Variants in EBF3 observed in about 807,000 individuals in gnomAD.
EBF3 encodes transcription factor COE3.
A neutral mutation model predicts 77.1 loss-of-function variants in EBF3; 18 were observed. The observed-to-expected ratio is 0.23, with a 90% CI of 0.16 to 0.35. The LOEUF is 0.35. EBF3 is among the 10% of genes least tolerant of loss of function. The probability of loss-of-function intolerance (pLI) is 1.00; values close to 1 mark genes in which losing one functional copy is unlikely to be tolerated. For synonymous variants in EBF3, 350 were observed against 343.5 expected (o/e 1.02, Z -0.21); for missense variants, 558 against 860.0 (o/e 0.65, Z 4.39).
chr10:129,924,441 A>C (rs1347795801), intron 6 of EBF3, among the ~76,000 whole-genome samples: 1 of 133,222 alleles, frequency 7.5e-6, no homozygotes, highest in Non-Finnish European at 1.6e-5. Context: ...AAAAAAAAAA[A>C]AAAACAAAAA....
chr10:129,876,885 A>AACCCC (rs1852809898), intron 7 of EBF3, among the ~76,000 whole-genome samples: 1 of 42,368 alleles, frequency 2.4e-5, no homozygotes, highest in Non-Finnish European at 4.4e-5. Flanking sequence ...TCATCCCTGA[A>AACCCC]CCCCCCCCCC....
In EBF3 at chr10:129,938,337, C is replaced by T. The variant is rs554846873; in HGVS notation, c.554+18921G>A. Among the ~76,000 whole-genome samples, 1 of 148,418 alleles carries T rather than the reference C, an allele frequency of 6.7e-6. No individual in the cohort carries two copies. Among genetic ancestry groups the T allele is most frequent in the African/African-American group, 2.5e-5 (1 of 39,932 alleles). On this transcript the variant is annotated intron_variant, in intron 6 of 16. Transcript: ENST00000440978. This position sits in a 1 kb window ranked among gnomAD's most constrained non-coding sequence, Gnocchi z 5.1. Reference sequence around the variant, plus strand: ...GGCAGATCACTTGAGCTCAGGAGTTCAACACCAGCCTGGGCAACATGGCAA... The same window carrying T: ...GGCAGATCACTTGAGCTCAGGAGTTTAACACCAGCCTGGGCAACATGGCAA...
Position 129,861,281 on chromosome 10 carries a change from C to T in EBF3, c.1039+5860G>A, listed in dbSNP as rs1220094402. ...CCAGTGATGGCAGTGGGCCTCACTCCCAGGGGAAGGGGCTGAGGCACAGAT... is the reference window on the plus strand; with the variant it reads ...CCAGTGATGGCAGTGGGCCTCACTCTCAGGGGAAGGGGCTGAGGCACAGAT... On this transcript the variant is annotated intron_variant, in intron 10 of 16. Coordinates refer to ENST00000440978, the MANE Select transcript of EBF3 (RefSeq NM_001375380.1). The surrounding 1 kb of genome is among the most constrained non-coding windows in gnomAD (Gnocchi z 4.3). 6.6e-6 allele frequency among the ~76,000 whole-genome samples: 1 copy of T among 152,140 alleles called. No homozygotes were observed. The highest frequency in any genetic ancestry group is 1.5e-5 in the Non-Finnish European group (1 of 68,028).
Position 129,837,912 on chromosome 10 carries a change from A to G in EBF3, c.*31T>C, listed in dbSNP as rs373883857. ...GTCCTTTGATGCTGGGTGCTGCGGA[A>G]GGTAAACAGAAGTCCCTCACATTGG... On this transcript the variant is annotated 3_prime_UTR_variant, in exon 17 of 17. Coordinates refer to ENST00000440978, the MANE Select transcript of EBF3 (RefSeq NM_001375380.1). 1.2e-6 allele frequency: 2 copies of G among 1,614,192 alleles called. No homozygotes were observed. Among genetic ancestry groups the G allele is most frequent in the East Asian group, 2.2e-5 (1 of 44,882 alleles).
rs758617055 is a variant in EBF3 at position 129,877,819 on chromosome 10, A to G, written c.585T>C (p.Asn195=). The G allele has an allele frequency of 6.2e-7, 1 of 1,613,728 alleles. No individual in the cohort carries two copies. Among genetic ancestry groups the G allele is most frequent in the Admixed American group, 1.7e-5 (1 of 60,010 alleles). The part of the protein sequence containing the change: ...RFFLKFFLKC[N]QNCLKNAGNP... Reference sequence around the variant, plus strand: ...TGCCTGCATTCTTCAAACAGTTCTGATTGCACTTGAGGAAAAACTTTAGAA... The same window carrying G: ...TGCCTGCATTCTTCAAACAGTTCTGGTTGCACTTGAGGAAAAACTTTAGAA... The change falls in exon 7 of 17, where the codon AAT becomes AAC. Residue 195 remains asparagine (N), a synonymous_variant. Coordinates refer to ENST00000440978, the MANE Select transcript of EBF3 (RefSeq NM_001375380.1).
At chr10:129,880,306 C>CACATACACACACATGCCCACACAT (rs1235376268) in intron 6 of EBF3, among the ~76,000 whole-genome samples, 3 of 152,094 alleles carry the variant, frequency 2.0e-5, no homozygotes, top group Non-Finnish European at 2.9e-5. Flanking sequence ...ATGCCACCCA[C>CACATACACACACATGCCCACACAT]ACATACACAC....
At chr10:129,953,636 C>A (rs1308404975) in intron 6 of EBF3, among the ~76,000 whole-genome samples, 2 of 152,244 alleles carry the variant, frequency 1.3e-5, no homozygotes, top group African/African-American at 4.8e-5. Flanking sequence ...CCGCTCCCAG[C>A]GCTGCATGGA....
chr10:129,944,802 A>G lies in EBF3; in HGVS notation c.554+12456T>C. ...GGTGAAATATCATAAGAATTTCATT[A>G]TCTTTGCAGCTGTTGCCTAGGATCA... On this transcript the variant is annotated intron_variant, in intron 6 of 16. Coordinates refer to ENST00000440978, the MANE Select transcript of EBF3 (RefSeq NM_001375380.1). The surrounding 1 kb of genome is among the most constrained non-coding windows in gnomAD (Gnocchi z 5.1). Among the ~76,000 whole-genome samples, 1 of 151,978 alleles carries G rather than the reference A, an allele frequency of 6.6e-6. No homozygotes were observed. The highest frequency in any genetic ancestry group is 1.5e-5 in the Non-Finnish European group (1 of 68,008).
At chr10:129,893,701 C>T (rs902533633) in intron 6 of EBF3, among the ~76,000 whole-genome samples, 2 of 152,214 alleles carry the variant, frequency 1.3e-5, no homozygotes, top group African/African-American at 2.4e-5. Context: ...CAAATCACAG[C>T]GCACGCATGA....
chr10:129,877,853 TA>T lies in EBF3; in HGVS notation c.555-5del. 6.2e-7 allele frequency: 1 copy of T among 1,605,506 alleles called. No individual in the cohort carries two copies. The highest frequency in any genetic ancestry group is 8.5e-7 in the Non-Finnish European group (1 of 1,174,876). ...GAGGAAAAACTTTAGAAAGAATCTATAAAAAATACAAAAAGATGATATTTAT... is the reference window on the plus strand; with the variant it reads ...GAGGAAAAACTTTAGAAAGAATCTATAAAAATACAAAAAGATGATATTTAT... On this transcript the variant is annotated splice_region_variant and splice_polypyrimidine_tract_variant and intron_variant, in intron 6 of 16. Transcript: ENST00000440978.
At chr10:129,899,603 A>C (rs1564870545) in intron 6 of EBF3, among the ~76,000 whole-genome samples, 1 of 152,324 alleles carries the variant, frequency 6.6e-6, no homozygotes, top group East Asian at 1.9e-4. Context: ...AAATGGCCAG[A>C]TCCAGCCGGA....
intron 6 of EBF3, among the ~76,000 whole-genome samples, chr10:129,926,274 C>T (rs952223914): frequency 5.3e-5 from 8 of 152,180 alleles, no homozygotes; most frequent in South Asian, 4.1e-4. Context: ...GGCGCCAGCC[C>T]GCAAGAGCAT....
intron 6 of EBF3, among the ~76,000 whole-genome samples, chr10:129,949,908 C>G (rs896642295): frequency 2.0e-5 from 3 of 151,764 alleles, no homozygotes; most frequent in African/African-American, 7.3e-5. Flanking sequence ...TAAACACTGC[C>G]AAAGTTTTGT....
intron 4 of EBF3, among the ~76,000 whole-genome samples, chr10:129,961,746 A>G (rs1157645180): frequency 6.6e-6 from 1 of 152,170 alleles, no homozygotes; most frequent in Non-Finnish European, 1.5e-5. Context: ...ATCACACTGG[A>G]AAGGAGAAAA....
At position 129,877,836 on chromosome 10, in the gene EBF3, A is replaced by C; in HGVS notation, c.568T>G (p.Phe190Val). The C allele has an allele frequency of 6.2e-7, 1 of 1,612,656 alleles. No homozygotes were observed. The highest frequency in any genetic ancestry group is 8.5e-7 in the Non-Finnish European group (1 of 1,179,320). The change falls in exon 7 of 17, where the codon TTT (phenylalanine) becomes GTT (valine). Residue 190 changes from phenylalanine (F) to valine (V), a missense_variant. By Grantham distance (50) the Phe-to-Val change is conservative (BLOSUM62 -1). This residue lies in a region of EBF3 where 14 missense variants were observed against 87.3 expected (regional missense o/e 0.16). Coordinates refer to ENST00000440978, the MANE Select transcript of EBF3 (RefSeq NM_001375380.1). Reference protein sequence around the residue: ...PVIIDRFFLKFFLKCNQNCLK... With the variant: ...PVIIDRFFLKVFLKCNQNCLK... ...CAGTTCTGATTGCACTTGAGGAAAA[A>C]CTTTAGAAAGAATCTATAAAAAATA...
intron 7 of EBF3, 51 bp from the exon 8 acceptor site, chr10:129,873,647 C>G (rs553128975): frequency 6.9e-7 from 1 of 1,443,530 alleles, no homozygotes; most frequent in East Asian, 2.5e-5. Context: ...AAAAGCAGAG[C>G]CCCCTGTTAG....
rs561903085 is a variant in EBF3 at position 129,869,780 on chromosome 10, G to A, written c.782-1868C>T. 2.2e-4 allele frequency among the ~76,000 whole-genome samples: 34 copies of A among 152,320 alleles called. 1 individual carries two copies. In the South Asian group the frequency reaches 5.2e-3, roughly 23 times the overall value. On this transcript the variant is annotated intron_variant, in intron 8 of 16. Coordinates refer to ENST00000440978, the MANE Select transcript of EBF3 (RefSeq NM_001375380.1). The stretch of plus-strand genomic sequence containing the variant: ...GCGCATCTCCCTCCGCAGCAGAGGC[G>A]CAGAGCACACACTGGGAACCTGCCC...
intron 10 of EBF3, 48 bp downstream of exon 10, chr10:129,867,093 G>A (rs760366464): frequency 6.3e-7 from 1 of 1,591,664 alleles, no homozygotes; most frequent in Non-Finnish European, 8.6e-7. Context: ...TCCTGGTGGG[G>A]AGGAGGCCTC....
rs187090871 is a variant in EBF3 at position 129,923,114 on chromosome 10, A to C, written c.554+34144T>G. ...ATAAGAACATCCTGTTGATAACGGC[A>C]GCAACAATCATGTGTTACTGTTGTT... On this transcript the variant is annotated intron_variant, in intron 6 of 16. Coordinates refer to ENST00000440978, the MANE Select transcript of EBF3 (RefSeq NM_001375380.1). Among the ~76,000 whole-genome samples, 9 of 152,344 alleles carry C rather than the reference A, an allele frequency of 5.9e-5. No homozygotes were observed. The East Asian group carries it at 1.7e-3, about 29-fold the overall frequency.
Sources: gnomAD v4.1 joint callset for allele counts (sites outside exome capture counted in the v4.1 genomes callset) on GRCh38, gnomAD v4.1.1 for gene constraint, gnomAD v4.1.1 regional missense constraint, Gnocchi (gnomAD v3.1) non-coding constraint, MANE v1.5 for transcripts, NCBI Gene and HGNC (gene_info 2026-07-23, HGNC 2026-07-21) for gene names.